The following CAMK4 variants were observed in gnomAD, a reference collection of about 807,000 sequenced individuals.
The protein encoded by CAMK4 is calcium/calmodulin dependent protein kinase IV.
A neutral mutation model predicts 44.9 loss-of-function variants in CAMK4; 22 were observed. The observed-to-expected ratio is 0.49, with a 90% confidence interval of 0.35 to 0.70. The LOEUF is 0.70. Ranked by LOEUF, CAMK4 falls within the 30% of genes least tolerant of loss-of-function variation. The pLI, the probability that CAMK4 is intolerant of heterozygous loss-of-function variation, is 0.01. For missense variants in CAMK4, 498 were observed against 586.8 expected (o/e 0.85, Z 1.56); for synonymous variants, 218 against 215.4 (o/e 1.01, Z -0.11).
At position 111,490,055 on chromosome 5, in the gene CAMK4, AATATATAC is replaced by A. The variant is rs1755762682; in HGVS notation, c.*5592_*5599del. 6.6e-6 allele frequency: 1 copy of A among 152,228 alleles called. No individual in the cohort carries two copies. Among genetic ancestry groups the A allele is most frequent in the Non-Finnish European group, 1.5e-5 (1 of 68,040 alleles). The allele number at this position is 152,228 out of a possible 1,614,324, so 9.4% of individuals were successfully genotyped here. A position where few individuals can be genotyped will look rare whatever the true frequency, so the allele number is the denominator to read the frequency against. The stretch of plus-strand genomic sequence containing the variant: ...TGACCTGGAAAACATATAGATACAG[AATATATAC>A]ATTTAATCGTTGCTTGTGATTCATT... On this transcript the variant is annotated 3_prime_UTR_variant, in exon 11 of 11. Coordinates refer to ENST00000282356, the MANE Select transcript of CAMK4 (RefSeq NM_001744.6).
intron 1 of CAMK4, among the ~76,000 whole-genome samples, chr5:111,340,584 C>G (rs575889720): frequency 1.3e-5 from 2 of 151,308 alleles, no homozygotes; most frequent in South Asian, 2.1e-4. Flanking sequence ...GATGAATGAG[C>G]CTTTCAATGT....
chr5:111,396,389 C>G (rs1018148469), intron 5 of CAMK4, among the ~76,000 whole-genome samples: 2 of 152,008 alleles, frequency 1.3e-5, no homozygotes, highest in South Asian at 2.1e-4. Flanking sequence ...ACCCAAATAG[C>G]CACCCCATTT....
At chr5:111,304,542 C>A (rs1747857555) in intron 1 of CAMK4, among the ~76,000 whole-genome samples, 2 of 4,908 alleles carry the variant, frequency 4.1e-4, no homozygotes, top group African/African-American at 1.3e-3. Flanking sequence ...ACAAGAGGAT[C>A]TAACTATCCT....
At position 111,224,687 on chromosome 5, in the gene CAMK4, G is replaced by A; in HGVS notation, c.161+43G>A. Reference sequence around the variant, plus strand: ...GCTGGGGAAGCCCGCGGCGTGCACTGGGGGTTGTCCCTCTCGCAGCGACGG... The same window carrying A: ...GCTGGGGAAGCCCGCGGCGTGCACTAGGGGTTGTCCCTCTCGCAGCGACGG... On this transcript the variant is annotated intron_variant, in intron 1 of 10. Transcript: ENST00000282356. The surrounding 1 kb of genome is among the most constrained non-coding windows in gnomAD (Gnocchi z 5.7). 3 of 1,575,906 alleles carry A rather than the reference G, an allele frequency of 1.9e-6. No individual in the cohort carries two copies. The highest frequency in any genetic ancestry group is 2.6e-6 in the Non-Finnish European group (3 of 1,160,044).
intron 5 of CAMK4, among the ~76,000 whole-genome samples, chr5:111,432,662 G>GTGTGTA (rs1245494210): frequency 7.0e-6 from 1 of 142,962 alleles, no homozygotes; most frequent in African/African-American, 2.6e-5. Context: ...ATATGTGTGT[G>GTGTGTA]TATATATATA....
At chr5:111,242,531 C>G (rs1300158080) in intron 1 of CAMK4, among the ~76,000 whole-genome samples, 2 of 152,134 alleles carry the variant, frequency 1.3e-5, no homozygotes, top group Non-Finnish European at 2.9e-5. Flanking sequence ...AATCTTGTCT[C>G]TAATCTTATT....
intron 1 of CAMK4, among the ~76,000 whole-genome samples, chr5:111,258,602 G>GC (rs1304404400): frequency 3.3e-5 from 5 of 152,044 alleles, no homozygotes; most frequent in African/African-American, 4.8e-5. Flanking sequence ...GGAAAGACCA[G>GC]CCCCCATGAT....
intron 1 of CAMK4, among the ~76,000 whole-genome samples, chr5:111,318,423 T>G (rs1748524773): frequency 6.6e-6 from 1 of 152,170 alleles, no homozygotes; most frequent in Non-Finnish European, 1.5e-5. Context: ...AAGACTCTCT[T>G]AAGACTGATT....
At chr5:111,336,194 A>AT (rs1749394797) in intron 1 of CAMK4, among the ~76,000 whole-genome samples, 6 of 151,068 alleles carry the variant, frequency 4.0e-5, no homozygotes, top group African/African-American at 1.5e-4. Context: ...GTAAAGCTTT[A>AT]TTTTTTTCAG....
At chr5:111,430,610 A>T (rs1237231885) in intron 5 of CAMK4, among the ~76,000 whole-genome samples, 1 of 152,232 alleles carries the variant, frequency 6.6e-6, no homozygotes, top group Non-Finnish European at 1.5e-5. Flanking sequence ...TGGTAAAGTC[A>T]CAGGATACAA....
At position 111,238,907 on chromosome 5, in the gene CAMK4, A is replaced by G. The variant is rs530544806; in HGVS notation, c.161+14263A>G. Among the ~76,000 whole-genome samples the G allele has an allele frequency of 3.7e-5, 5 of 136,502 alleles. No homozygotes were observed. The East Asian group carries it at 8.4e-4, about 23-fold the overall frequency. The allele number at this position is 136,502 out of a possible 152,430, so 89.6% of individuals were successfully genotyped here. ...AGACTGGGACAATTCTTCTGTGGCT[A>G]CATCCCCACTTCCACTCGTGCCTTC... On this transcript the variant is annotated intron_variant, in intron 1 of 10. Transcript: ENST00000282356.
intron 5 of CAMK4, among the ~76,000 whole-genome samples, chr5:111,402,547 A>T (rs1324858858): frequency 2.0e-5 from 3 of 152,240 alleles, no homozygotes; most frequent in Non-Finnish European, 4.4e-5. Context: ...CTGACACATT[A>T]AAACAATCTT....
At chr5:111,434,507 A>G (rs1273951925) in intron 5 of CAMK4, among the ~76,000 whole-genome samples, 5 of 152,196 alleles carry the variant, frequency 3.3e-5, no homozygotes, top group African/African-American at 4.8e-5. Flanking sequence ...CTTTGCCCGA[A>G]ATAGATTCTT....
intron 2 of CAMK4, 67 bp downstream of exon 2, chr5:111,344,169 T>C: frequency 2.0e-6 from 2 of 975,798 alleles, no homozygotes; most frequent in Non-Finnish European, 3.2e-6. Flanking sequence ...AGGAACCTGA[T>C]TTGAAGAACA....
At chr5:111,471,771 T>C (rs1022799833) in intron 7 of CAMK4, among the ~76,000 whole-genome samples, 7 of 152,146 alleles carry the variant, frequency 4.6e-5, no homozygotes, top group Admixed American at 1.3e-4. Context: ...TACAGGGAAA[T>C]TGGAACATGA....
At chr5:111,273,716 T>TATAC (rs1238104265) in intron 1 of CAMK4, among the ~76,000 whole-genome samples, 1 of 57,032 alleles carries the variant, frequency 1.8e-5, no homozygotes, top group Non-Finnish European at 2.8e-5. Context: ...TATATATATA[T>TATAC]ATACACACAC....
intron 3 of CAMK4, among the ~76,000 whole-genome samples, chr5:111,376,577 T>G (rs928061605): frequency 2.0e-5 from 3 of 152,100 alleles, no homozygotes; most frequent in Non-Finnish European, 4.4e-5. Context: ...TTGGGATGTT[T>G]TAGAAAAGTT....
chr5:111,265,003 C>T (rs1750173552), intron 1 of CAMK4, among the ~76,000 whole-genome samples: 1 of 152,080 alleles, frequency 6.6e-6, no homozygotes, highest in African/African-American at 2.4e-5. Context: ...GGTTAGTCCC[C>T]TTCCTCCGAG....
chr5:111,393,874 T>G (rs199615288), intron 4 of CAMK4, among the ~76,000 whole-genome samples: 3 of 35,502 alleles, frequency 8.5e-5, no homozygotes, highest in Admixed American at 2.7e-4. Context: ...AAGTTTTGTG[T>G]TTTTTTTTTT....
Sources: gnomAD v4.1 joint callset for allele counts (sites outside exome capture counted in the v4.1 genomes callset) on GRCh38, gnomAD v4.1.1 for gene constraint, Gnocchi (gnomAD v3.1) non-coding constraint, MANE v1.5 for transcripts, NCBI Gene and HGNC (gene_info 2026-07-23, HGNC 2026-07-21) for gene names.